The following GKAP1 variants were observed in gnomAD, a reference collection of about 807,000 sequenced individuals.
GKAP1 encodes the protein G kinase anchoring protein 1.
A neutral mutation model predicts 56.7 loss-of-function variants in GKAP1; 31 were observed. That is an observed-to-expected ratio of 0.55 (90% CI 0.41 to 0.74). The LOEUF is 0.74. Among genes scored for constraint, GKAP1 ranks in the 30% least tolerant of loss-of-function variants. The probability of loss-of-function intolerance (pLI) is 0.00; values close to 1 mark genes in which losing one functional copy is unlikely to be tolerated. For synonymous variants in GKAP1, 151 were observed against 138.6 expected, an observed-to-expected ratio of 1.09 and a Z score of -0.63; for missense variants, 364 against 402.3, an observed-to-expected ratio of 0.90 and a Z score of 0.82.
rs1346089160 is a variant in GKAP1 at position 83,788,991 on chromosome 9, AC to A, written c.361-314del. 4 of 189,704 alleles carry A rather than the reference AC, an allele frequency of 2.1e-5. No homozygotes were observed. The East Asian group carries it at 4.9e-4, about 23-fold the overall frequency. 11.8% of individuals were successfully genotyped at this position (189,704 alleles called of 1,614,324 possible). A position where few individuals can be genotyped will look rare whatever the true frequency, so the allele number is the denominator to read the frequency against. ...GGCACTATAATAGATGTCAAAGGCA[AC>A]ATTCAGTTTAGGACACTAAAAATTA... is the stretch of plus-strand genomic sequence containing the variant. On this transcript the variant is annotated intron_variant, in intron 4 of 12. Coordinates refer to ENST00000376371, the MANE Select transcript of GKAP1 (RefSeq NM_025211.4).
chr9:83,801,498 T>A lies in GKAP1; in HGVS notation c.217-2170A>T, dbSNP rs998315668. On this transcript the variant is annotated intron_variant, in intron 3 of 12. Coordinates refer to ENST00000376371, the MANE Select transcript of GKAP1 (RefSeq NM_025211.4). ...ATATTAGGTTGGTGCAAAGTAATTG[T>A]GGTTTTTACCAAATACATTGTTCTG... 2.0e-5 allele frequency among the ~76,000 whole-genome samples: 3 copies of A among 152,130 alleles called. No homozygotes were observed. In the South Asian group the frequency reaches 6.2e-4, roughly 32 times the overall value.
intron 2 of GKAP1, among the ~76,000 whole-genome samples, chr9:83,814,362 A>C (rs976231194): frequency 2.6e-5 from 4 of 152,210 alleles, no homozygotes; most frequent in Non-Finnish European, 5.9e-5. Context: ...AATGCCATCT[A>C]TCTCTTCCAC....
At chr9:83,750,855 G>A (rs755175674) in intron 9 of GKAP1, among the ~76,000 whole-genome samples, 7 of 151,442 alleles carry the variant, frequency 4.6e-5, no homozygotes, top group African/African-American at 1.7e-4. Flanking sequence ...TTATTTTTTC[G>A]AGATGGAGTC....
At chr9:83,790,256 T>C (rs1479155775) in intron 4 of GKAP1, among the ~76,000 whole-genome samples, 5 of 152,190 alleles carry the variant, frequency 3.3e-5, no homozygotes, top group Non-Finnish European at 7.3e-5. Context: ...GTGTAAATTA[T>C]ACATACTTTA....
rs1943173585 is a variant in GKAP1 at position 83,739,670 on chromosome 9, TTG to T, written c.*25_*26del. 6.3e-7 allele frequency: 1 copy of T among 1,582,424 alleles called. No homozygotes were observed. Among genetic ancestry groups the T allele is most frequent in the African/African-American group, 1.4e-5 (1 of 73,560 alleles). On this transcript the variant is annotated 3_prime_UTR_variant, in exon 13 of 13. Coordinates refer to ENST00000376371, the MANE Select transcript of GKAP1 (RefSeq NM_025211.4). ...TGCAAAATCCTGGAAGTTTTAAACT[TTG>T]TGTTGACTTCAAAGGCTAATGTAAT...
At chr9:83,784,680 G>C in intron 6 of GKAP1, 35 bp downstream of exon 6, 1 of 1,447,964 alleles carries the variant, frequency 6.9e-7, no homozygotes, top group Non-Finnish European at 9.3e-7. Flanking sequence ...ATGTAGAATA[G>C]TTCTTTTAGC....
chr9:83,793,547 G>A (rs147390878), intron 4 of GKAP1, among the ~76,000 whole-genome samples: 60 of 152,212 alleles, frequency 3.9e-4, no homozygotes, highest in Admixed American at 5.9e-4. Context: ...TCTTCTGAGT[G>A]CTGTTTGCAT....
At chr9:83,764,016 C>T (rs1460077323) in intron 8 of GKAP1, among the ~76,000 whole-genome samples, 1 of 152,010 alleles carries the variant, frequency 6.6e-6, no homozygotes, top group South Asian at 2.1e-4. Flanking sequence ...CTGAAATATA[C>T]AAATATCATT....
At chr9:83,791,762 A>G (rs1263678396) in intron 4 of GKAP1, among the ~76,000 whole-genome samples, 1 of 152,236 alleles carries the variant, frequency 6.6e-6, no homozygotes, top group Non-Finnish European at 1.5e-5. Flanking sequence ...TGTATGAACT[A>G]CAGGAAATAG....
At position 83,741,974 on chromosome 9, in the gene GKAP1, T is replaced by C. The variant is rs1411760518; in HGVS notation, c.1031A>G (p.Gln344Arg). 3.8e-6 allele frequency: 6 copies of C among 1,592,688 alleles called. No individual in the cohort carries two copies. Among genetic ancestry groups the C allele is most frequent in the African/African-American group, 1.4e-5 (1 of 73,702 alleles). Residue 344 changes from glutamine (Q) to arginine (R), a missense_variant, in exon 12 of 13, where the codon CAA becomes CGA. By Grantham distance (43) the Gln-to-Arg change is conservative. Transcript: ENST00000376371. ...EQERSKVKVL[Q>R]AELAKYQGGR... ...TACCTGGTATTTGGCTAACTCTGCT[T>C]GTAATACTTTCACTTTAGATCTTTC...
chr9:83,813,891 A>G (rs113346612), intron 2 of GKAP1, among the ~76,000 whole-genome samples: 9 of 152,200 alleles, frequency 5.9e-5, no homozygotes, highest in South Asian at 2.1e-4. Context: ...GCTTGAGCCC[A>G]GGAGTTCAAG....
chr9:83,750,497 C>T (rs1318903993), intron 9 of GKAP1, among the ~76,000 whole-genome samples: 1 of 152,190 alleles, frequency 6.6e-6, no homozygotes, highest in African/African-American at 2.4e-5. Flanking sequence ...GTCTTCACTC[C>T]AAGCCTCAGC....
chr9:83,766,253 G>A (rs1383059087), intron 8 of GKAP1, among the ~76,000 whole-genome samples: 1 of 152,084 alleles, frequency 6.6e-6, no homozygotes, highest in Non-Finnish European at 1.5e-5. Flanking sequence ...AGTTTCCTGA[G>A]GCCTCCCCAG....
chr9:83,740,384 TAAC>T (rs1261692896), intron 12 of GKAP1, among the ~76,000 whole-genome samples: 1 of 152,084 alleles, frequency 6.6e-6, no homozygotes, highest in African/African-American at 2.4e-5. Flanking sequence ...TAACATAACA[TAAC>T]ATTTTCTGTT....
At chr9:83,773,398 A>C (rs1011984768) in intron 7 of GKAP1, among the ~76,000 whole-genome samples, 1 of 152,186 alleles carries the variant, frequency 6.6e-6, no homozygotes, top group Admixed American at 6.5e-5. Context: ...AATGGCTATG[A>C]GGGAATTTTC....
chr9:83,759,186 C>G (rs961566695), intron 8 of GKAP1, among the ~76,000 whole-genome samples: 4 of 152,122 alleles, frequency 2.6e-5, no homozygotes, highest in Non-Finnish European at 5.9e-5. Flanking sequence ...CAGATTTTGT[C>G]GTTCTTTTCC....
At chr9:83,785,271 T>C (rs1410131196) in intron 5 of GKAP1, among the ~76,000 whole-genome samples, 3 of 152,200 alleles carry the variant, frequency 2.0e-5, no homozygotes, top group African/African-American at 7.2e-5. Context: ...TGACTACTGC[T>C]AAGTTTCCTT....
intron 6 of GKAP1, among the ~76,000 whole-genome samples, chr9:83,781,264 G>A (rs1943966793): frequency 6.6e-6 from 1 of 152,214 alleles, no homozygotes; most frequent in Non-Finnish European, 1.5e-5. Flanking sequence ...TTGGGAGACT[G>A]AGGCATGAAA....
At chr9:83,781,047 G>A (rs1174115776) in intron 6 of GKAP1, among the ~76,000 whole-genome samples, 1 of 152,180 alleles carries the variant, frequency 6.6e-6, no homozygotes, top group African/African-American at 2.4e-5. Context: ...AGAGCAGAAT[G>A]AGGAAAGCAT....
Sources: allele counts gnomAD v4.1 joint callset (sites outside exome capture counted in the v4.1 genomes callset), GRCh38; gene constraint gnomAD v4.1.1; transcripts MANE v1.5; gene names NCBI Gene and HGNC (gene_info 2026-07-23, HGNC 2026-07-21).